Variants in PTPRN2 observed in about 807,000 individuals in gnomAD.
PTPRN2 encodes the protein receptor-type tyrosine-protein phosphatase N2.
Under a neutral mutation model 118.8 loss-of-function variants are expected in PTPRN2, and 74 were observed. That is an observed-to-expected ratio of 0.62 (90% confidence interval 0.52 to 0.76). The LOEUF is 0.76. Ranked by LOEUF, PTPRN2 falls within the 30% of genes least tolerant of loss-of-function variation. The probability of loss-of-function intolerance (pLI) is 0.00; values close to 1 mark genes in which losing one functional copy is unlikely to be tolerated. For synonymous variants in PTPRN2, 641 were observed against 608.0 expected (o/e 1.05, Z -0.80); for missense variants, 1,481 against 1,394.4 (o/e 1.06, Z -0.99).
rs1802602273 is a variant in PTPRN2 at position 157,974,672 on chromosome 7, G to A, written c.1724-75935C>T. On this transcript the variant is annotated intron_variant, in intron 11 of 22. Transcript: ENST00000389418. This position sits in a 1 kb window ranked among gnomAD's most constrained non-coding sequence, Gnocchi z 4.0. ...AGGGCTCTGTGGTAAGACACAGAGG[G>A]CAGGGGCTGGGGTGGGCAGGGCTCC... is the stretch of plus-strand genomic sequence containing the variant. Among the ~76,000 whole-genome samples, 1 of 150,654 alleles carries A rather than the reference G, an allele frequency of 6.6e-6. No individual in the cohort carries two copies. The highest frequency in any genetic ancestry group is 2.4e-5 in the African/African-American group (1 of 40,990).
intron 2 of PTPRN2, among the ~76,000 whole-genome samples, chr7:158,352,842 T>C (rs1444046099): frequency 6.6e-6 from 1 of 152,230 alleles, no homozygotes; most frequent in African/African-American, 2.4e-5. Context: ...ATGGAGACAT[T>C]AACCTTTCTG....
rs1806362028 is a variant in PTPRN2 at position 158,015,268 on chromosome 7, C to T, written c.1723+66030G>A. Among the ~76,000 whole-genome samples the T allele has an allele frequency of 6.6e-6, 1 of 152,192 alleles. No homozygotes were observed. Among genetic ancestry groups the T allele is most frequent in the Admixed American group, 6.5e-5 (1 of 15,276 alleles). ...AGTGATTTGGTTGTTGATCTTTGAA[C>T]TTCTCTAAGCCATTATACCTTTAGT... On this transcript the variant is annotated intron_variant, in intron 11 of 22. Transcript: ENST00000389418. This position sits in a 1 kb window ranked among gnomAD's most constrained non-coding sequence, Gnocchi z 4.2.
chr7:158,020,211 A>AGTTACACCT lies in PTPRN2; in HGVS notation c.1723+61078_1723+61086dup, dbSNP rs200262512. 7.8e-3 allele frequency among the ~76,000 whole-genome samples: 1,189 copies of AGTTACACCT among 152,274 alleles called. 10 individuals carry two copies. The highest frequency in any genetic ancestry group is 0.014 in the Non-Finnish European group (973 of 67,986). ...CTGTCATTATCACTGTGGCTCTGTG[A>AGTTACACCT]GTTACACCTGTGCTTCTCAGCTACT... On this transcript the variant is annotated intron_variant, in intron 11 of 22. Transcript: ENST00000389418.
intron 11 of PTPRN2, among the ~76,000 whole-genome samples, chr7:158,067,568 G>A (rs1161131419): frequency 1.3e-5 from 2 of 152,324 alleles, no homozygotes; most frequent in Middle Eastern, 3.4e-3. Flanking sequence ...CAGAACTGCT[G>A]TTCTACAATC....
chr7:158,138,947 G>GACACCCTGCCCAGCACACCCTGCCCAGC (rs199845709), intron 6 of PTPRN2, among the ~76,000 whole-genome samples: 1 of 143,254 alleles, frequency 7.0e-6, no homozygotes, highest in Non-Finnish European at 1.5e-5. Context: ...CCCTGCCCAG[G>GACACCCTGCCCAGCACACCCTGCCCAGC]ACACCCTGCC....
rs1289408432 is a variant in PTPRN2 at position 157,977,509 on chromosome 7, C to T, written c.1724-78772G>A. Among the ~76,000 whole-genome samples the T allele has an allele frequency of 3.3e-5, 5 of 151,600 alleles. No individual in the cohort carries two copies. Among genetic ancestry groups the T allele is most frequent in the Non-Finnish European group, 7.4e-5 (5 of 67,898 alleles). On this transcript the variant is annotated intron_variant, in intron 11 of 22. Coordinates refer to ENST00000389418, the MANE Select transcript of PTPRN2 (RefSeq NM_002847.5). The surrounding 1 kb of genome is among the most constrained non-coding windows in gnomAD (Gnocchi z 4.6). The stretch of plus-strand genomic sequence containing the variant: ...TGCCTGGCAGGTGGAGGGCCCAGAG[C>T]GTGCAAGGCCCCAGGTGGGATGACG...
intron 4 of PTPRN2, among the ~76,000 whole-genome samples, chr7:158,200,755 A>G (rs1299862064): frequency 6.6e-6 from 1 of 152,188 alleles, no homozygotes; most frequent in Non-Finnish European, 1.5e-5. Context: ...AAGTTTAAAA[A>G]CAACACATAA....
intron 12 of PTPRN2, among the ~76,000 whole-genome samples, chr7:157,873,938 C>T (rs1012444550): frequency 5.3e-5 from 8 of 152,158 alleles, no homozygotes; most frequent in African/African-American, 1.9e-4. Context: ...AAGTTGTTTC[C>T]TGTCCCACTG....
intron 12 of PTPRN2, among the ~76,000 whole-genome samples, chr7:157,876,194 G>A (rs1336663880): frequency 6.6e-6 from 1 of 152,226 alleles, no homozygotes; most frequent in African/African-American, 2.4e-5. Flanking sequence ...GTGCCCGAGT[G>A]GGCTCATCCA....
intron 12 of PTPRN2, among the ~76,000 whole-genome samples, chr7:157,768,566 C>T (rs552422346): frequency 3.8e-4 from 58 of 152,246 alleles, no homozygotes; most frequent in Non-Finnish European, 2.8e-4. Flanking sequence ...CCTGGAGAGG[C>T]CAAGGGGGCT....
In PTPRN2 at chr7:158,509,325, G is replaced by A. The variant is rs1380831575; in HGVS notation, c.113-19540C>T. On this transcript the variant is annotated intron_variant, in intron 1 of 22. Transcript: ENST00000389418. This position sits in a 1 kb window ranked among gnomAD's most constrained non-coding sequence, Gnocchi z 4.4. ...TGAATAGTGCTCCCTGATCCCTAACGTGCAATCGGGGCTGGAGCCGGAGAC... is the reference window on the plus strand; with the variant it reads ...TGAATAGTGCTCCCTGATCCCTAACATGCAATCGGGGCTGGAGCCGGAGAC... Among the ~76,000 whole-genome samples the A allele has an allele frequency of 6.6e-6, 1 of 152,136 alleles. No homozygotes were observed. The highest frequency in any genetic ancestry group is 6.5e-5 in the Admixed American group (1 of 15,268).
intron 14 of PTPRN2, among the ~76,000 whole-genome samples, chr7:157,649,530 T>G (rs1387900551): frequency 8.9e-6 from 1 of 112,752 alleles, no homozygotes; most frequent in African/African-American, 3.0e-5. Context: ...ACCCATTCAC[T>G]GTGCACTGAA....
rs985986272 is a variant in PTPRN2, at chr7:158,163,792, G to T, written c.910+3139C>A. Among the ~76,000 whole-genome samples, 3 of 151,918 alleles carry T rather than the reference G, an allele frequency of 2.0e-5. No individual in the cohort carries two copies. In the South Asian group the frequency reaches 6.3e-4, roughly 32 times the overall value. On this transcript the variant is annotated intron_variant, in intron 6 of 22. Coordinates refer to ENST00000389418, the MANE Select transcript of PTPRN2 (RefSeq NM_002847.5). ...ACGGGGTTCTCAATTCTATTTCATA[G>T]GTGACGCCTGTACGGGGTTCTCAAT...
chr7:157,546,945 GC>G (rs1336826812), intron 22 of PTPRN2, among the ~76,000 whole-genome samples: 21 of 152,278 alleles, frequency 1.4e-4, no homozygotes, highest in Middle Eastern at 3.4e-3. Flanking sequence ...TTCACTTTTG[GC>G]AAAGATATCC....
At chr7:157,612,935 G>A (rs566031678) in intron 15 of PTPRN2, among the ~76,000 whole-genome samples, 1 of 152,134 alleles carries the variant, frequency 6.6e-6, no homozygotes, top group Non-Finnish European at 1.5e-5. Flanking sequence ...CGAAGGCCCC[G>A]CCTCCCCGCC....
intron 10 of PTPRN2, among the ~76,000 whole-genome samples, chr7:158,086,948 C>A (rs1285797108): frequency 6.6e-6 from 1 of 152,170 alleles, no homozygotes; most frequent in Non-Finnish European, 1.5e-5. Context: ...CTGGAGCTTA[C>A]AAGGCTTGAG....
chr7:157,786,793 A>G (rs1392683612), intron 12 of PTPRN2, among the ~76,000 whole-genome samples: 1 of 152,274 alleles, frequency 6.6e-6, no homozygotes, highest in Non-Finnish European at 1.5e-5. Context: ...ACAGAACCTC[A>G]GCCTGCTGTG....
At chr7:158,469,594 C>T (rs1819690907) in intron 2 of PTPRN2, among the ~76,000 whole-genome samples, 1 of 152,170 alleles carries the variant, frequency 6.6e-6, no homozygotes, top group South Asian at 2.1e-4. Context: ...AGCAGCTTGC[C>T]CAGCTCCACC....
At chr7:158,365,167 AG>A (rs1809336975) in intron 2 of PTPRN2, among the ~76,000 whole-genome samples, 1 of 152,226 alleles carries the variant, frequency 6.6e-6, no homozygotes, top group Admixed American at 6.5e-5. Flanking sequence ...ACTCAGGACA[AG>A]GAATCACGCA....
Sources: gnomAD v4.1 joint callset for allele counts (sites outside exome capture counted in the v4.1 genomes callset) on GRCh38, gnomAD v4.1.1 for gene constraint, Gnocchi (gnomAD v3.1) non-coding constraint, MANE v1.5 for transcripts, NCBI Gene and HGNC (gene_info 2026-07-23, HGNC 2026-07-21) for gene names.